GYS1: variants seen among roughly 807,000 people sequenced by gnomAD.
The protein encoded by GYS1 is glycogen [starch] synthase, muscle.
Under a neutral mutation model 89.1 loss-of-function variants are expected in GYS1, and 60 were observed. The ratio of observed to expected loss-of-function variants is 0.67; its 90% CI spans 0.55 to 0.84. The LOEUF (loss-of-function observed/expected upper bound fraction) is 0.84. Among genes scored for constraint, GYS1 ranks in the 40% least tolerant of loss-of-function variants. The pLI, the probability that GYS1 is intolerant of heterozygous loss-of-function variation, is 0.00. For synonymous variants in GYS1, 366 were observed against 401.7 expected, an observed-to-expected ratio of 0.91 and a Z score of 1.06; for missense variants, 888 against 1,003.1, an observed-to-expected ratio of 0.89 and a Z score of 1.55.
rs573158444 is a variant in GYS1, at chr19:48,968,221, G to A, written c.*1067C>T. The A allele has an allele frequency of 3.7e-5, 17 of 454,156 alleles. No homozygotes were observed. The highest frequency in any genetic ancestry group is 1.4e-4 in the Admixed American group (6 of 42,558). The allele number at this position is 454,156 out of a possible 1,614,324, so 28.1% of individuals were successfully genotyped here. ...CTCCCCTCTCAACTGCAAACCAAGCGGTGCAGACACAGCACAGCACACATG... is the reference window on the plus strand; with the variant it reads ...CTCCCCTCTCAACTGCAAACCAAGCAGTGCAGACACAGCACAGCACACATG... On this transcript the variant is annotated 3_prime_UTR_variant, in exon 16 of 16. Coordinates refer to ENST00000323798, the MANE Select transcript of GYS1 (RefSeq NM_002103.5).
chr19:48,984,028 C>T (rs553407725), intron 5 of GYS1, among the ~76,000 whole-genome samples: 6 of 152,272 alleles, frequency 3.9e-5, no homozygotes, highest in South Asian at 4.1e-4. Context: ...GACAGAGTTT[C>T]GCTCTTGTTG....
At position 48,977,921 on chromosome 19, in the gene GYS1, T is replaced by A. The variant is rs902830696; in HGVS notation, c.1308+3A>T. The stretch of plus-strand genomic sequence containing the variant: ...TCTCTCTGCACAGAGGTCCAATCCA[T>A]ACCTGCGTTGCAAAGATGGCTCTCT... On this transcript the variant is annotated splice_donor_region_variant and intron_variant, in intron 10 of 15. Transcript: ENST00000323798. 6.2e-7 allele frequency: 1 copy of A among 1,610,904 alleles called. No homozygotes were observed. Among genetic ancestry groups the A allele is most frequent in the Non-Finnish European group, 8.5e-7 (1 of 1,177,194 alleles).
In GYS1 at chr19:48,991,092, A is replaced by T. The variant is rs758937406; in HGVS notation, c.300+210T>A. On this transcript the variant is annotated intron_variant, in intron 2 of 15. Transcript: ENST00000323798. This position sits in a 1 kb window ranked among gnomAD's most constrained non-coding sequence, Gnocchi z 4.7. ...CGTCTCAGTCTGTCTCATACTTGCC[A>T]TCTGTCTGTCCATTCGCCCATGTCT... 2.6e-5 allele frequency among the ~76,000 whole-genome samples: 4 copies of T among 152,038 alleles called. No homozygotes were observed. Among genetic ancestry groups the T allele is most frequent in the Admixed American group, 1.3e-4 (2 of 15,258 alleles).
In GYS1 at chr19:48,968,425, G is replaced by T. The variant is rs1189072429; in HGVS notation, c.*863C>A. On this transcript the variant is annotated 3_prime_UTR_variant, in exon 16 of 16. Coordinates refer to ENST00000323798, the MANE Select transcript of GYS1 (RefSeq NM_002103.5). ...AGAAGCCAGGACCTAGAACCTAGTG[G>T]TTTCACAGTGGGCAGAGCAGTTGGG... is the stretch of plus-strand genomic sequence containing the variant. 6.6e-6 allele frequency: 3 copies of T among 454,442 alleles called. No individual in the cohort carries two copies. The highest frequency in any genetic ancestry group is 1.3e-5 in the Non-Finnish European group (3 of 226,802). 28.2% of individuals were successfully genotyped at this position (454,442 alleles called of 1,614,324 possible). A position where few individuals can be genotyped will look rare whatever the true frequency, so the allele number is the denominator to read the frequency against.
intron 10 of GYS1, among the ~76,000 whole-genome samples, chr19:48,976,075 C>T (rs1485661816): frequency 6.6e-6 from 1 of 151,942 alleles, no homozygotes; most frequent in Non-Finnish European, 1.5e-5. Context: ...AGCAACTGTT[C>T]CATCATAGCT....
intron 8 of GYS1, among the ~76,000 whole-genome samples, chr19:48,978,751 C>T (rs571544865): frequency 2.0e-5 from 3 of 151,724 alleles, no homozygotes; most frequent in African/African-American, 4.8e-5. Flanking sequence ...AGGCTGGTCT[C>T]GAACTCCTGA....
At chr19:48,982,418 C>T (rs200766247) in intron 6 of GYS1, 43 bp from the exon 7 acceptor site, 22 of 1,612,568 alleles carry the variant, frequency 1.4e-5, no homozygotes, top group East Asian at 4.5e-5. Flanking sequence ...AGCCCTCACC[C>T]GCTAGCCCTG....
chr19:48,991,467 C>T lies in GYS1; in HGVS notation c.135G>A (p.Thr45=), dbSNP rs558436703. ...EVANKVGGIY[T]VLQTKAKVTG... Reference sequence around the variant, plus strand: ...TCACCTTCGCCTTCGTCTGCAGCACCGTGTAGATGCCACCCACTGTGGGCC... The same window carrying T: ...TCACCTTCGCCTTCGTCTGCAGCACTGTGTAGATGCCACCCACTGTGGGCC... Residue 45 remains threonine, a synonymous_variant, in exon 2 of 16, where the codon ACG becomes ACA. Coordinates refer to ENST00000323798, the MANE Select transcript of GYS1 (RefSeq NM_002103.5). The surrounding 1 kb of genome is among the most constrained non-coding windows in gnomAD (Gnocchi z 4.7). 1.7e-5 allele frequency: 28 copies of T among 1,603,192 alleles called. No individual in the cohort carries two copies. In the East Asian group the frequency reaches 3.2e-4, roughly 18 times the overall value.
At chr19:48,975,911 CAAAAAAAAAAAA>C (rs760164673) in intron 10 of GYS1, among the ~76,000 whole-genome samples, 2 of 41,370 alleles carry the variant, frequency 4.8e-5, no homozygotes, top group Non-Finnish European at 9.9e-5. Flanking sequence ...GACTCCGTCT[CAAAAAAAAAAAA>C]AAAAAAAAAA....
intron 3 of GYS1, among the ~76,000 whole-genome samples, chr19:48,986,712 A>G (rs974684045): frequency 6.6e-6 from 1 of 152,012 alleles, no homozygotes; most frequent in Non-Finnish European, 1.5e-5. Context: ...AGGTTTGGCC[A>G]TCTTGAACTC....
Position 48,993,104 on chromosome 19 carries a change from TAA to T in GYS1, c.7_8del (p.Leu3LysfsTer18), listed in dbSNP as rs776493768. 5.0e-6 allele frequency: 8 copies of T among 1,595,572 alleles called. No homozygotes were observed. The highest frequency in any genetic ancestry group is 6.9e-6 in the Non-Finnish European group (8 of 1,163,476). On this transcript the variant is annotated frameshift_variant, in exon 1 of 16. Coordinates refer to ENST00000323798, the MANE Select transcript of GYS1 (RefSeq NM_002103.5). LOFTEE classifies it high-confidence loss of function. Reference sequence around the variant, plus strand: ...GTGAGGACATGGACAAAGTGCGGTTTAAAGGCATGGCTGGCGCAGGAAGGGGG... The same window carrying T: ...GTGAGGACATGGACAAAGTGCGGTTTAGGCATGGCTGGCGCAGGAAGGGGG... MP[L>X]NRTLSMSSLP...
intron 2 of GYS1, among the ~76,000 whole-genome samples, 175 bp from the exon 3 acceptor site, chr19:48,987,560 C>T (rs78296983): frequency 0.015 from 2,308 of 152,312 alleles, 27 homozygotes; most frequent in Non-Finnish European, 0.024. Context: ...AGCCTTACTT[C>T]TCTATTTGCA....
chr19:48,980,490 CTAAAAATA>C (rs1294276646), intron 8 of GYS1, among the ~76,000 whole-genome samples: 8 of 151,142 alleles, frequency 5.3e-5, no homozygotes, highest in Non-Finnish European at 8.9e-5. Flanking sequence ...CCCATCGGTG[CTAAAAATA>C]TAAAAATTAG....
rs2038617189 is a variant in GYS1, at chr19:48,974,684, G to A, written c.1358C>T (p.Ser453Leu). ...GCGGATGGTGGTCAGGATGGGGTCT[G>A]AGGAGTCATCCAGCATATTGTGGGT... ...VCTHNMLDDS[S>L]DPILTTIRRI... Residue 453 changes from serine to leucine, a missense_variant, in exon 11 of 16, where the codon TCA (serine) becomes TTA (leucine). Ser to Leu is a moderately radical substitution (Grantham distance 145). Coordinates refer to ENST00000323798, the MANE Select transcript of GYS1 (RefSeq NM_002103.5). 6.2e-7 allele frequency: 1 copy of A among 1,614,094 alleles called. No individual in the cohort carries two copies. Among genetic ancestry groups the A allele is most frequent in the Non-Finnish European group, 8.5e-7 (1 of 1,179,954 alleles).
In GYS1 at chr19:48,973,568, G is replaced by A. The variant is rs180891354; in HGVS notation, c.1549+645C>T. Among the ~76,000 whole-genome samples, 4 of 140,812 alleles carry A rather than the reference G, an allele frequency of 2.8e-5. No individual in the cohort carries two copies. In the East Asian group the frequency reaches 6.3e-4, roughly 22 times the overall value. The allele number at this position is 140,812 out of a possible 152,430, so 92.4% of individuals were successfully genotyped here. ...CTGTCACCCAGAGCACAGCACTGCC[G>A]GAGTGCAGTGGCATGATCTCAGCTC... is the stretch of plus-strand genomic sequence containing the variant. On this transcript the variant is annotated intron_variant, in intron 12 of 15. Coordinates refer to ENST00000323798, the MANE Select transcript of GYS1 (RefSeq NM_002103.5).
At chr19:48,990,434 C>T (rs924094988) in intron 2 of GYS1, among the ~76,000 whole-genome samples, 8 of 152,150 alleles carry the variant, frequency 5.3e-5, no homozygotes, top group Non-Finnish European at 8.8e-5. Flanking sequence ...TCTGAAACAT[C>T]TGGTGGCCTC....
At chr19:48,976,770 C>T (rs974442369) in intron 10 of GYS1, among the ~76,000 whole-genome samples, 3 of 151,632 alleles carry the variant, frequency 2.0e-5, no homozygotes, top group African/African-American at 4.8e-5. Context: ...TTCCTTCTTT[C>T]GTGTGTGTGT....
chr19:48,984,064 T>C (rs1468807402), intron 5 of GYS1, among the ~76,000 whole-genome samples: 1 of 152,170 alleles, frequency 6.6e-6, no homozygotes, highest in Non-Finnish European at 1.5e-5. Context: ...AATGGCACAA[T>C]CTTGGCTCAC....
chr19:48,987,803 A>T (rs1477103339), intron 2 of GYS1, among the ~76,000 whole-genome samples: 4 of 123,714 alleles, frequency 3.2e-5, no homozygotes, highest in African/African-American at 1.2e-4. Context: ...CACCTGGCTA[A>T]TTTTTTTTTT....
Sources: allele counts gnomAD v4.1 joint callset (sites outside exome capture counted in the v4.1 genomes callset), GRCh38; gene constraint gnomAD v4.1.1; non-coding constraint Gnocchi (gnomAD v3.1); transcripts MANE v1.5; gene names NCBI Gene and HGNC (gene_info 2026-07-23, HGNC 2026-07-21).